ENOPH1: variants seen among roughly 807,000 people sequenced by gnomAD.
ENOPH1 encodes the protein enolase-phosphatase 1, also known as enolase-phosphatase E1.
A neutral mutation model predicts 31.1 loss-of-function variants in ENOPH1; 14 were observed. That is an observed-to-expected ratio of 0.45 (90% confidence interval 0.30 to 0.70). The LOEUF is 0.70. ENOPH1 is among the 30% of genes least tolerant of loss of function. The pLI, the probability that ENOPH1 is intolerant of heterozygous loss-of-function variation, is 0.09. For missense variants in ENOPH1, 243 were observed against 321.5 expected (o/e 0.76, Z 1.87); for synonymous variants, 127 against 123.2 (o/e 1.03, Z -0.21).
At chr4:82,434,869 T>C (rs377124030) in intron 1 of ENOPH1, among the ~76,000 whole-genome samples, 3 of 151,688 alleles carry the variant, frequency 2.0e-5, no homozygotes, top group South Asian at 2.1e-4. Context: ...ATCGTGCCAG[T>C]GCACTCCAAC....
At chr4:82,434,899 T>G (rs1300164328) in intron 1 of ENOPH1, among the ~76,000 whole-genome samples, 1 of 150,748 alleles carries the variant, frequency 6.6e-6, no homozygotes, top group African/African-American at 2.4e-5. Context: ...AGAGCGAGAC[T>G]GTCTTTAAAA....
chr4:82,433,951 T>C (rs535673215), intron 1 of ENOPH1, among the ~76,000 whole-genome samples: 1 of 152,308 alleles, frequency 6.6e-6, no homozygotes, highest in Admixed American at 6.5e-5. Flanking sequence ...GTGTGTGAAC[T>C]TGTAGCCCTT....
chr4:82,431,051 G>A, intron 1 of ENOPH1, 138 bp downstream of exon 1: 2 of 744,868 alleles, frequency 2.7e-6, no homozygotes, highest in Non-Finnish European at 4.5e-6. Context: ...TGGGGAGGAA[G>A]GAGAGAAAGC....
At chr4:82,454,614 G>A (rs1332382816) in intron 3 of ENOPH1, 108 bp from the exon 4 acceptor site, 3 of 1,267,926 alleles carry the variant, frequency 2.4e-6, no homozygotes, top group Non-Finnish European at 3.3e-6. Flanking sequence ...CTGCTTCTCA[G>A]GTTACCATGT....
At position 82,454,788 on chromosome 4, in the gene ENOPH1, T is replaced by C. The variant is rs372593007; in HGVS notation, c.456T>C (p.Tyr152=). The change falls in exon 4 of 6, where the codon TAT becomes TAC. Residue 152 remains tyrosine (Y), a synonymous_variant. Transcript: ENST00000273920. ...AGGCCGGAATGAAGGTGTACATCTA[T>C]TCCTCAGGGAGTGTGGAGGCACAGA... The part of the protein sequence containing the change: ...WREAGMKVYI[Y]SSGSVEAQKL... The C allele has an allele frequency of 6.8e-6, 11 of 1,613,918 alleles. No homozygotes were observed. The highest frequency in any genetic ancestry group is 9.3e-6 in the Non-Finnish European group (11 of 1,179,980).
At chr4:82,454,647 G>A (rs1055026270) in intron 3 of ENOPH1, 75 bp from the exon 4 acceptor site, 25 of 1,496,244 alleles carry the variant, frequency 1.7e-5, no homozygotes, top group Non-Finnish European at 8.1e-6. Flanking sequence ...AGAAACATAT[G>A]GCATCTGTTT....
At chr4:82,459,369 C>T (rs1722581264) in intron 5 of ENOPH1, among the ~76,000 whole-genome samples, 1 of 152,180 alleles carries the variant, frequency 6.6e-6, no homozygotes, top group Non-Finnish European at 1.5e-5. Context: ...CGGCTTGCTG[C>T]AGCCTTGACC....
chr4:82,436,773 AG>A, intron 1 of ENOPH1, among the ~76,000 whole-genome samples: 1 of 151,614 alleles, frequency 6.6e-6, no homozygotes, highest in East Asian at 2.0e-4. Context: ...GACCTCACCT[AG>A]GATTCAGGAG....
At chr4:82,454,214 A>G (rs1404698797) in intron 3 of ENOPH1, among the ~76,000 whole-genome samples, 1 of 151,944 alleles carries the variant, frequency 6.6e-6, no homozygotes, top group South Asian at 2.1e-4. Context: ...ACCCTGTCTC[A>G]AAAAAAAGTA....
chr4:82,452,532 T>G (rs1722376534), intron 3 of ENOPH1, among the ~76,000 whole-genome samples: 1 of 152,136 alleles, frequency 6.6e-6, no homozygotes, highest in South Asian at 2.1e-4. Flanking sequence ...CCTCAAGTGG[T>G]CCACCCCATC....
chr4:82,430,965 A>T (rs1207072656), intron 1 of ENOPH1, 52 bp downstream of exon 1: 3 of 1,542,686 alleles, frequency 1.9e-6, no homozygotes, highest in Non-Finnish European at 2.7e-6. Flanking sequence ...AACAGTTATT[A>T]TTTTTTCTAA....
At chr4:82,450,330 G>A (rs1722315430) in intron 2 of ENOPH1, among the ~76,000 whole-genome samples, 1 of 152,152 alleles carries the variant, frequency 6.6e-6, no homozygotes, top group Non-Finnish European at 1.5e-5. Context: ...GATGTTGAAG[G>A]AAATGACATT....
At chr4:82,455,221 C>T (rs534493986) in intron 4 of ENOPH1, among the ~76,000 whole-genome samples, 1 of 152,236 alleles carries the variant, frequency 6.6e-6, no homozygotes, top group Non-Finnish European at 1.5e-5. Flanking sequence ...TATAGGAGAA[C>T]CAGGCACATT....
Position 82,447,907 on chromosome 4 carries a change from C to T in ENOPH1, c.85-13C>T. Reference sequence around the variant, plus strand: ...AAGCTAACTCTTGTATTTTCTTTTACTCTTTTATCCAGGACATTTTATTTC... The same window carrying T: ...AAGCTAACTCTTGTATTTTCTTTTATTCTTTTATCCAGGACATTTTATTTC... On this transcript the variant is annotated splice_polypyrimidine_tract_variant and intron_variant, in intron 1 of 5. Coordinates refer to ENST00000273920, the MANE Select transcript of ENOPH1 (RefSeq NM_021204.5). The T allele has an allele frequency of 2.0e-6, 3 of 1,532,146 alleles. No individual in the cohort carries two copies. The highest frequency in any genetic ancestry group is 1.8e-5 in the Admixed American group (1 of 54,294). The allele number at this position is 1,532,146 out of a possible 1,614,324, so 94.9% of individuals were successfully genotyped here.
intron 3 of ENOPH1, 48 bp downstream of exon 3, chr4:82,451,293 T>C (rs751343406): frequency 1.5e-5 from 23 of 1,580,086 alleles, no homozygotes; most frequent in Non-Finnish European, 1.9e-5. Flanking sequence ...CAAATCCAAA[T>C]ATGTTTTTTC....
intron 1 of ENOPH1, among the ~76,000 whole-genome samples, chr4:82,433,802 CTT>C (rs2110035919): frequency 1.3e-5 from 2 of 152,278 alleles, no homozygotes; most frequent in Admixed American, 6.5e-5. Flanking sequence ...GAACAAAAAA[CTT>C]TTAGTAGAGT....
chr4:82,432,618 A>T (rs1431455734), intron 1 of ENOPH1, among the ~76,000 whole-genome samples: 1 of 149,038 alleles, frequency 6.7e-6, no homozygotes, highest in Non-Finnish European at 1.5e-5. Context: ...TACAGGCGTG[A>T]ACCATGGCAC....
At position 82,430,773 on chromosome 4, in the gene ENOPH1, G is replaced by T. The variant is rs1331184219; in HGVS notation, c.-57G>T. 33 of 1,546,084 alleles carry T rather than the reference G, an allele frequency of 2.1e-5. No individual in the cohort carries two copies. The highest frequency in any genetic ancestry group is 2.9e-5 in the Non-Finnish European group (32 of 1,120,248). On this transcript the variant is annotated 5_prime_UTR_variant, in exon 1 of 6. Coordinates refer to ENST00000273920, the MANE Select transcript of ENOPH1 (RefSeq NM_021204.5). ...GTACCGGGGGCCGCAGCCGCAGCCG[G>T]CGCCGCCCTCCGCCCTCCCCAACAG...
intron 1 of ENOPH1, among the ~76,000 whole-genome samples, chr4:82,435,510 A>G (rs1318084317): frequency 6.6e-6 from 1 of 152,158 alleles, no homozygotes; most frequent in Non-Finnish European, 1.5e-5. Flanking sequence ...AGTCCTCTTT[A>G]TGTCCTCTTA....
Sources: allele counts gnomAD v4.1 joint callset (sites outside exome capture counted in the v4.1 genomes callset), GRCh38; gene constraint gnomAD v4.1.1; transcripts MANE v1.5; gene names NCBI Gene and HGNC (gene_info 2026-07-23, HGNC 2026-07-21).